The following MACROD2 variants were observed in gnomAD, a reference collection of about 807,000 sequenced individuals.
The protein encoded by MACROD2 is ADP-ribose glycohydrolase MACROD2.
Under a neutral mutation model 70.4 loss-of-function variants are expected in MACROD2, and 36 were observed. The ratio of observed to expected loss-of-function variants is 0.51; its 90% CI spans 0.39 to 0.68. The LOEUF is 0.68. MACROD2 is among the 30% of genes least tolerant of loss of function. The probability of loss-of-function intolerance (pLI) is 0.00; values close to 1 mark genes in which losing one functional copy is unlikely to be tolerated. For missense variants in MACROD2, 496 were observed against 538.4 expected, an observed-to-expected ratio of 0.92 and a Z score of 0.78; for synonymous variants, 172 against 178.8, an observed-to-expected ratio of 0.96 and a Z score of 0.30.
chr20:15,109,949 T>G (rs1198260056), intron 5 of MACROD2, among the ~76,000 whole-genome samples: 1 of 152,116 alleles, frequency 6.6e-6, no homozygotes, highest in East Asian at 1.9e-4. Flanking sequence ...AAGTGCCGTT[T>G]GTGATAATAG....
At chr20:15,692,601 G>T (rs6514593) in intron 8 of MACROD2, among the ~76,000 whole-genome samples, 1 of 152,064 alleles carries the variant, frequency 6.6e-6, no homozygotes, top group African/African-American at 2.4e-5. Context: ...CCCTGGAAGC[G>T]CAGAGAAAAG....
chr20:14,530,269 A>G (rs1041070239), intron 4 of MACROD2, among the ~76,000 whole-genome samples: 1 of 152,134 alleles, frequency 6.6e-6, no homozygotes, highest in East Asian at 1.9e-4. Context: ...TGGAAGCTAA[A>G]AGTCCCAGGG....
intron 5 of MACROD2, among the ~76,000 whole-genome samples, chr20:15,188,974 C>A (rs1409092355): frequency 6.6e-6 from 1 of 152,138 alleles, no homozygotes; most frequent in Non-Finnish European, 1.5e-5. Context: ...ATTTATCAAA[C>A]ATTTCTGGTT....
chr20:15,886,072 C>T (rs936691657), intron 10 of MACROD2, among the ~76,000 whole-genome samples: 4 of 152,076 alleles, frequency 2.6e-5, no homozygotes, highest in Admixed American at 1.3e-4. Flanking sequence ...AGTTATATAA[C>T]GAATCACCCC....
At chr20:15,415,052 G>A (rs1224150190) in intron 6 of MACROD2, among the ~76,000 whole-genome samples, 1 of 152,156 alleles carries the variant, frequency 6.6e-6, no homozygotes, top group Admixed American at 6.5e-5. Context: ...TGGTGGAGAG[G>A]GGAGCCATGT....
intron 10 of MACROD2, among the ~76,000 whole-genome samples, chr20:15,895,272 T>A (rs1205079676): frequency 6.6e-6 from 1 of 152,202 alleles, no homozygotes; most frequent in East Asian, 1.9e-4. Flanking sequence ...TCACCTCCTG[T>A]AATTATGTGG....
intron 5 of MACROD2, among the ~76,000 whole-genome samples, chr20:14,866,262 C>G (rs1023665651): frequency 1.3e-5 from 2 of 152,038 alleles, no homozygotes; most frequent in African/African-American, 2.4e-5. Context: ...TACCAGCAAC[C>G]AGCTGCATAC....
intron 5 of MACROD2, among the ~76,000 whole-genome samples, chr20:14,921,667 A>T (rs941518129): frequency 2.0e-5 from 3 of 152,184 alleles, no homozygotes; most frequent in African/African-American, 7.2e-5. Context: ...CATATCCAGA[A>T]TATTTTGCAG....
At chr20:14,009,714 C>T (rs902844381) in intron 2 of MACROD2, among the ~76,000 whole-genome samples, 2 of 152,168 alleles carry the variant, frequency 1.3e-5, no homozygotes, top group East Asian at 3.8e-4. Context: ...GACATAGACT[C>T]AACCTAAATG....
intron 5 of MACROD2, among the ~76,000 whole-genome samples, chr20:14,714,342 C>G (rs1443619322): frequency 6.6e-6 from 1 of 152,094 alleles, no homozygotes; most frequent in Non-Finnish European, 1.5e-5. Context: ...GCTCAGACTG[C>G]TGCACACAGT....
intron 8 of MACROD2, among the ~76,000 whole-genome samples, chr20:15,623,181 C>G (rs1160545980): frequency 6.6e-6 from 1 of 152,056 alleles, no homozygotes; most frequent in Non-Finnish European, 1.5e-5. Context: ...TTGCACCTGT[C>G]TGGAAACAAA....
rs527392738 is a variant in MACROD2, at chr20:15,303,625, C to T, written c.540+73564C>T. On this transcript the variant is annotated intron_variant, in intron 6 of 17. Transcript: ENST00000684519. ...ACTTTTTCAATCTATTTGTTACATT[C>T]CAGGGAAAATCTTCTAAAACAATAA... 2.0e-5 allele frequency among the ~76,000 whole-genome samples: 3 copies of T among 152,288 alleles called. No individual in the cohort carries two copies. The East Asian group carries it at 5.8e-4, about 29-fold the overall frequency.
intron 3 of MACROD2, among the ~76,000 whole-genome samples, chr20:14,320,592 T>C (rs1006800717): frequency 6.6e-6 from 1 of 152,094 alleles, no homozygotes; most frequent in African/African-American, 2.4e-5. Context: ...TGTATTTCAG[T>C]TGGACTATTG....
chr20:14,157,625 T>G (rs1356347317), intron 3 of MACROD2, among the ~76,000 whole-genome samples: 1 of 152,136 alleles, frequency 6.6e-6, no homozygotes, highest in Non-Finnish European at 1.5e-5. Context: ...ACTTCATGAG[T>G]AAAGTTCATG....
rs768661629 is a variant in MACROD2, at chr20:14,272,297, C to T, written c.271+186569C>T. On this transcript the variant is annotated intron_variant, in intron 3 of 17. Transcript: ENST00000684519. ...CCCATCAGACTAACAGCTGATCTCT[C>T]GGCAGAAACTCTACAAGCCAGAAGA... is the stretch of plus-strand genomic sequence containing the variant. Among the ~76,000 whole-genome samples, 334 of 152,204 alleles carry T rather than the reference C, an allele frequency of 2.2e-3. 3 individuals are homozygous for T. The highest frequency in any genetic ancestry group is 7.6e-3 in the African/African-American group (317 of 41,516).
At chr20:15,601,630 T>TC (rs1350314385) in intron 8 of MACROD2, among the ~76,000 whole-genome samples, 1 of 152,184 alleles carries the variant, frequency 6.6e-6, no homozygotes, top group African/African-American at 2.4e-5. Flanking sequence ...TGGCTCTGAC[T>TC]CGCCAGGTAT....
chr20:15,417,163 C>T (rs954757577), intron 6 of MACROD2, among the ~76,000 whole-genome samples: 2 of 152,080 alleles, frequency 1.3e-5, no homozygotes, highest in Non-Finnish European at 1.5e-5. Flanking sequence ...AGAAAAGGAC[C>T]TTAGCTCATC....
At chr20:14,050,790 T>A (rs1029522046) in intron 2 of MACROD2, among the ~76,000 whole-genome samples, 3 of 152,132 alleles carry the variant, frequency 2.0e-5, no homozygotes, top group Non-Finnish European at 2.9e-5. Flanking sequence ...TGTTAAAGAA[T>A]AATCAAAGGA....
At chr20:14,282,483 A>T (rs187645707) in intron 3 of MACROD2, among the ~76,000 whole-genome samples, 1 of 152,304 alleles carries the variant, frequency 6.6e-6, no homozygotes, top group East Asian at 1.9e-4. Flanking sequence ...TTACAGCCTG[A>T]TGGGTGGATT....
Sources: allele counts gnomAD v4.1 joint callset (sites outside exome capture counted in the v4.1 genomes callset), GRCh38; gene constraint gnomAD v4.1.1; transcripts MANE v1.5; gene names NCBI Gene and HGNC (gene_info 2026-07-23, HGNC 2026-07-21).